Variants in BIRC6 observed in about 807,000 individuals in gnomAD.
BIRC6 encodes the protein dual E2 ubiquitin-conjugating enzyme/E3 ubiquitin-protein ligase BIRC6.
A neutral mutation model predicts 503.3 loss-of-function variants in BIRC6; 98 were observed. The ratio of observed to expected loss-of-function variants is 0.19; its 90% confidence interval spans 0.17 to 0.23. The LOEUF (loss-of-function observed/expected upper bound fraction) is 0.23. BIRC6 is among the 10% of genes least tolerant of loss of function. The pLI is 1.00. For synonymous variants in BIRC6, 2,240 were observed against 2,078.7 expected, an observed-to-expected ratio of 1.08 and a Z score of -2.11; for missense variants, 5,360 against 5,806.0, an observed-to-expected ratio of 0.92 and a Z score of 2.50.
At chr2:32,553,521 GGGA>G (rs2058580310) in intron 65 of BIRC6, among the ~76,000 whole-genome samples, 1 of 151,910 alleles carries the variant, frequency 6.6e-6, no homozygotes, top group South Asian at 2.1e-4. Context: ...CCGAGTAGCT[GGGA>G]CTGCAGGCAC....
At chr2:32,382,354 A>T (rs1254244000) in intron 3 of BIRC6, among the ~76,000 whole-genome samples, 1 of 152,228 alleles carries the variant, frequency 6.6e-6, no homozygotes, top group Non-Finnish European at 1.5e-5. Context: ...GAATGCTAAA[A>T]CAACCAAACC....
In BIRC6 at chr2:32,479,636, T is replaced by C. The variant is rs1248982667; in HGVS notation, c.7408+19T>C. On this transcript the variant is annotated intron_variant, in intron 37 of 73. Transcript: ENST00000421745. The stretch of plus-strand genomic sequence containing the variant: ...ATAACAGGTAAAGTTTTACATTATG[T>C]TTCTTCTTTATTCTATTAAATGGAA... 2.6e-6 allele frequency: 4 copies of C among 1,553,022 alleles called. No homozygotes were observed. In the Admixed American group the frequency reaches 5.4e-5, roughly 21 times the overall value.
rs117642792 is a variant in BIRC6 at position 32,506,811 on chromosome 2, G to A, written c.9701-1169G>A. 1.2e-3 allele frequency among the ~76,000 whole-genome samples: 177 copies of A among 152,302 alleles called. 2 individuals are homozygous for A. The East Asian group carries it at 0.031, about 27-fold the overall frequency. ...TTGAATCTAAGGTGTGACATTTCTT[G>A]TGGGAGCGTGGATTACTTAATCTCT... On this transcript the variant is annotated intron_variant, in intron 50 of 73. Coordinates refer to ENST00000421745, the MANE Select transcript of BIRC6 (RefSeq NM_016252.4).
At chr2:32,363,856 T>G (rs1453549294) in intron 1 of BIRC6, among the ~76,000 whole-genome samples, 1 of 152,154 alleles carries the variant, frequency 6.6e-6, no homozygotes, top group Non-Finnish European at 1.5e-5. Flanking sequence ...TTCCTTTGAG[T>G]CTCTTGGCTG....
Position 32,481,409 on chromosome 2 carries a change from G to A in BIRC6, c.7498G>A (p.Asp2500Asn), listed in dbSNP as rs769098417. Residue 2500 changes from aspartate to asparagine, a missense_variant, in exon 38 of 74, where the codon GAT (aspartate) becomes AAT (asparagine). Asp to Asn is a conservative substitution (Grantham distance 23, BLOSUM62 1). Coordinates refer to ENST00000421745, the MANE Select transcript of BIRC6 (RefSeq NM_016252.4). ...AATGGAAGTTGACATTGATCCTTTAGATATTGATTTGGAAAAGGACCCTCT... is the reference window on the plus strand; with the variant it reads ...AATGGAAGTTGACATTGATCCTTTAAATATTGATTTGGAAAAGGACCCTCT... The part of the protein sequence containing the change: ...DLMEVDIDPL[D>N]IDLEKDPLAA... 1 of 1,612,090 alleles carries A rather than the reference G, an allele frequency of 6.2e-7. No individual in the cohort carries two copies. Among genetic ancestry groups the A allele is most frequent in the African/African-American group, 1.3e-5 (1 of 74,916 alleles).
intron 72 of BIRC6, among the ~76,000 whole-genome samples, chr2:32,608,922 T>C (rs1384109263): frequency 6.6e-6 from 1 of 152,022 alleles, no homozygotes; most frequent in Non-Finnish European, 1.5e-5. Flanking sequence ...CTCTGTTGCC[T>C]GTGCTGGAAT....
intron 63 of BIRC6, 75 bp downstream of exon 63, chr2:32,545,935 C>T (rs1392746327): frequency 7.6e-7 from 1 of 1,321,322 alleles, no homozygotes. Flanking sequence ...AAGTTTTTTT[C>T]TGAATTAATC....
intron 56 of BIRC6, 49 bp downstream of exon 56, chr2:32,518,446 A>G (rs1414086257): frequency 3.2e-6 from 5 of 1,558,300 alleles, no homozygotes; most frequent in Non-Finnish European, 2.6e-6. Flanking sequence ...GTATTTTACA[A>G]TTTTGTATCA....
chr2:32,445,701 C>T lies in BIRC6; in HGVS notation c.4484+33C>T, dbSNP rs746334358. ...AGTATATCTAATGACTAATAATAGG[C>T]GTCTCTGAGTATGATCACGCTTTTG... On this transcript the variant is annotated intron_variant, in intron 21 of 73. Transcript: ENST00000421745. 39 of 1,411,010 alleles carry T rather than the reference C, an allele frequency of 2.8e-5. No homozygotes were observed. In the East Asian group the frequency reaches 4.6e-4, roughly 17 times the overall value. 87.4% of individuals were successfully genotyped at this position (1,411,010 alleles called of 1,614,324 possible). A position where few individuals can be genotyped will look rare whatever the true frequency, so the allele number is the denominator to read the frequency against.
Position 32,482,572 on chromosome 2 carries a change from A to C in BIRC6, c.7686A>C (p.Ser2562=), listed in dbSNP as rs768039808. 1 of 1,613,888 alleles carries C rather than the reference A, an allele frequency of 6.2e-7. No individual in the cohort carries two copies. The highest frequency in any genetic ancestry group is 1.7e-5 in the Admixed American group (1 of 60,012). Residue 2562 remains serine (S), a synonymous_variant, in exon 39 of 74, where the codon TCA becomes TCC. Transcript: ENST00000421745. ...ACGGATCACAGACAGTTAGCGTTTC[A>C]GTCTCTCAGGGTAAGTGTATGTTTA... ...EKNGSQTVSV[S]VSQALDARLE...
At chr2:32,375,029 C>G (rs912280472) in intron 1 of BIRC6, among the ~76,000 whole-genome samples, 3 of 152,066 alleles carry the variant, frequency 2.0e-5, no homozygotes, top group Non-Finnish European at 4.4e-5. Flanking sequence ...TTTGTGTAAT[C>G]AGCCTTTTAT....
Position 32,401,507 on chromosome 2 carries a change from A to G in BIRC6, c.1302A>G (p.Val434=). Residue 434 remains valine, a synonymous_variant, in exon 8 of 74, where the codon GTA becomes GTG. Transcript: ENST00000421745. ...FEINAYDPAI[V]QQLILSGDPS... ...TTAATGCCTATGATCCAGCAATTGT[A>G]CAACAGCTTATTCTATCAGGAGACC... 1 of 1,614,034 alleles carries G rather than the reference A, an allele frequency of 6.2e-7. No individual in the cohort carries two copies. Among genetic ancestry groups the G allele is most frequent in the South Asian group, 1.1e-5 (1 of 91,086 alleles).
chr2:32,600,025 C>T, intron 70 of BIRC6, 125 bp downstream of exon 70: 3 of 851,722 alleles, frequency 3.5e-6, no homozygotes, highest in Non-Finnish European at 5.4e-6. Flanking sequence ...TACTTCTCTT[C>T]CCTACGTCCA....
chr2:32,525,102 A>C, intron 58 of BIRC6, 83 bp downstream of exon 58: 1 of 1,198,752 alleles, frequency 8.3e-7, no homozygotes, highest in Non-Finnish European at 1.1e-6. Flanking sequence ...AATTTATGTA[A>C]TACATTGTAC....
chr2:32,435,258 A>T (rs916116643), intron 13 of BIRC6, among the ~76,000 whole-genome samples: 4 of 152,184 alleles, frequency 2.6e-5, no homozygotes, highest in African/African-American at 9.7e-5. Flanking sequence ...TTGTTTCTTT[A>T]GGCAAATATT....
intron 65 of BIRC6, among the ~76,000 whole-genome samples, chr2:32,551,844 A>G (rs924374466): frequency 6.6e-6 from 1 of 152,102 alleles, no homozygotes; most frequent in Admixed American, 6.5e-5. Context: ...TAATACTGAT[A>G]TTTTTACAGA....
In BIRC6 at chr2:32,543,412, G is replaced by T. The variant is rs1163913502; in HGVS notation, c.12463G>T (p.Ala4155Ser). The change falls in exon 62 of 74, where the codon GCC (alanine) becomes TCC (serine). Residue 4155 changes from alanine (A) to serine (S), a missense_variant. Around this residue, in one of 16 missense-constraint regions of BIRC6, gnomAD observed 477 missense variants for 574.4 expected, o/e 0.83. Transcript: ENST00000421745. ...AGTACAGACCATGTCTCCCATACCTGCCCATTCTTTGGCTGCTTTTGGATT... is the reference window on the plus strand; with the variant it reads ...AGTACAGACCATGTCTCCCATACCTTCCCATTCTTTGGCTGCTTTTGGATT... Reference protein sequence around the residue: ...SAVQTMSPIPAHSLAAFGLFL... With the variant: ...SAVQTMSPIPSHSLAAFGLFL... 1 of 1,613,862 alleles carries T rather than the reference G, an allele frequency of 6.2e-7. No individual in the cohort carries two copies. The highest frequency in any genetic ancestry group is 1.3e-5 in the African/African-American group (1 of 74,914).
At chr2:32,473,721 G>GTT (rs2049360349) in intron 33 of BIRC6, among the ~76,000 whole-genome samples, 1 of 131,416 alleles carries the variant, frequency 7.6e-6, no homozygotes, top group South Asian at 2.5e-4. Context: ...GTGTGTGTGT[G>GTT]TGTGTGTGTG....
intron 8 of BIRC6, among the ~76,000 whole-genome samples, chr2:32,404,765 C>T (rs1311115538): frequency 6.6e-6 from 1 of 151,872 alleles, no homozygotes; most frequent in African/African-American, 2.4e-5. Flanking sequence ...GGGCTCAAGT[C>T]ATCCTTCTAC....
Sources: allele counts gnomAD v4.1 joint callset (sites outside exome capture counted in the v4.1 genomes callset), GRCh38; gene constraint gnomAD v4.1.1; regional missense constraint gnomAD v4.1.1; transcripts MANE v1.5; gene names NCBI Gene and HGNC (gene_info 2026-07-23, HGNC 2026-07-21).